KLK9: variants seen among roughly 807,000 people sequenced by gnomAD.
The protein encoded by KLK9 is kallikrein-9.
KLK9 carries 26 observed loss-of-function variants against 23.3 expected under a neutral mutation model. That is an observed-to-expected ratio of 1.12 (90% CI 0.82 to 1.55). KLK9 has a LOEUF of 1.55. Ranked by LOEUF, KLK9 falls within the 40% of genes most tolerant of loss-of-function variation. The probability of loss-of-function intolerance (pLI) is 0.00; values close to 1 mark genes in which losing one functional copy is unlikely to be tolerated. For missense variants in KLK9, 346 were observed against 333.7 expected (o/e 1.04, Z -0.29); for synonymous variants, 122 against 128.5 (o/e 0.95, Z 0.34).
Position 51,002,997 on chromosome 19 carries a change from G to T in KLK9, c.*114C>A. ...AGTCTTAGTGTCCAGAGGGGAGTCAGGGCAGCTGGAGGTCCAGGGCGGGAA... is the reference window on the plus strand; with the variant it reads ...AGTCTTAGTGTCCAGAGGGGAGTCATGGCAGCTGGAGGTCCAGGGCGGGAA... On this transcript the variant is annotated 3_prime_UTR_variant, in exon 5 of 5. Transcript: ENST00000594211. The T allele has an allele frequency of 3.8e-6, 5 of 1,300,662 alleles. No individual in the cohort carries two copies. The highest frequency in any genetic ancestry group is 4.8e-5 in the East Asian group (2 of 41,322). 80.6% of individuals were successfully genotyped at this position (1,300,662 alleles called of 1,614,324 possible).
chr19:51,008,516 G>A (rs919198480), intron 2 of KLK9, among the ~76,000 whole-genome samples: 1 of 152,064 alleles, frequency 6.6e-6, no homozygotes, highest in Non-Finnish European at 1.5e-5. Flanking sequence ...AATATTCAAT[G>A]AATCTAGAAA....
chr19:51,002,985 AGAGGG>A lies in KLK9; in HGVS notation c.*121_*125del. Reference sequence around the variant, plus strand: ...CCTCAGGGGCGGAGTCTTAGTGTCCAGAGGGGAGTCAGGGCAGCTGGAGGTCCAGG... The same window carrying A: ...CCTCAGGGGCGGAGTCTTAGTGTCCAGAGTCAGGGCAGCTGGAGGTCCAGG... On this transcript the variant is annotated 3_prime_UTR_variant, in exon 5 of 5. Coordinates refer to ENST00000594211, the MANE Select transcript of KLK9 (RefSeq NM_012315.2). 8.4e-7 allele frequency: 1 copy of A among 1,184,120 alleles called. No individual in the cohort carries two copies. The highest frequency in any genetic ancestry group is 1.2e-6 in the Non-Finnish European group (1 of 853,052). The allele number at this position is 1,184,120 out of a possible 1,614,324, so 73.4% of individuals were successfully genotyped here.
Position 51,006,566 on chromosome 19 carries a change from G to C in KLK9, c.358C>G (p.Gln120Glu). The C allele has an allele frequency of 1.9e-6, 3 of 1,613,356 alleles. No individual in the cohort carries two copies. The highest frequency in any genetic ancestry group is 4.5e-5 in the East Asian group (2 of 44,876). ...DDIMLIRLPRQARLSPAVQPL... is the reference protein window; with the variant it reads ...DDIMLIRLPREARLSPAVQPL... ...TGCACAGCAGGACTCAGACGTGCCT[G>C]CCTGGGCAGGCGGATCAGCATGATG... Residue 120 changes from glutamine to glutamate, a missense_variant, in exon 3 of 5, where the codon CAG (glutamine) becomes GAG (glutamate). Coordinates refer to ENST00000594211, the MANE Select transcript of KLK9 (RefSeq NM_012315.2). This position sits in a 1 kb window ranked among gnomAD's most constrained non-coding sequence, Gnocchi z 4.1.
rs372567256 is a variant in KLK9 at position 51,006,557 on chromosome 19, G to A, written c.367C>T (p.Leu123=). The A allele has an allele frequency of 6.2e-7, 1 of 1,613,318 alleles. No individual in the cohort carries two copies. Among genetic ancestry groups the A allele is most frequent in the East Asian group, 2.2e-5 (1 of 44,870 alleles). ...MLIRLPRQAR[L]SPAVQPLNLS... ...TTGAGGGGCTGCACAGCAGGACTCA[G>A]ACGTGCCTGCCTGGGCAGGCGGATC... is the stretch of plus-strand genomic sequence containing the variant. Residue 123 remains leucine (L), a synonymous_variant, in exon 3 of 5, where the codon CTG becomes TTG. Coordinates refer to ENST00000594211, the MANE Select transcript of KLK9 (RefSeq NM_012315.2). This position sits in a 1 kb window ranked among gnomAD's most constrained non-coding sequence, Gnocchi z 4.1.
In KLK9 at chr19:51,003,787, G is replaced by GT. The variant is rs748294003; in HGVS notation, c.519dup (p.Leu174ThrfsTer30). On this transcript the variant is annotated frameshift_variant, in exon 4 of 5. Coordinates refer to ENST00000594211, the MANE Select transcript of KLK9 (RefSeq NM_012315.2). LOFTEE classifies it high-confidence loss of function. Reference sequence around the variant, plus strand: ...TGTCCAGGGTATGCCCAGTGACAGAGTTTGTTCTCCAGGATGCTGATGTTG... The same window carrying GT: ...TGTCCAGGGTATGCCCAGTGACAGAGTTTTGTTCTCCAGGATGCTGATGTTG... 1 of 1,613,678 alleles carries GT rather than the reference G, an allele frequency of 6.2e-7. No homozygotes were observed. The highest frequency in any genetic ancestry group is 8.5e-7 in the Non-Finnish European group (1 of 1,179,562).
Position 51,006,973 on chromosome 19 carries a change from C to T in KLK9, c.201-250G>A, listed in dbSNP as rs556547682. Among the ~76,000 whole-genome samples, 5 of 151,984 alleles carry T rather than the reference C, an allele frequency of 3.3e-5. No individual in the cohort carries two copies. The highest frequency in any genetic ancestry group is 1.2e-4 in the African/African-American group (5 of 41,532). ...TTTGTAGCTCTCCCCACAAAGCCCC[C>T]GCTCCTAGTCCCAGGCTGAGTGAGC... is the stretch of plus-strand genomic sequence containing the variant. On this transcript the variant is annotated intron_variant, in intron 2 of 4. Transcript: ENST00000594211. This position sits in a 1 kb window ranked among gnomAD's most constrained non-coding sequence, Gnocchi z 4.1.
At position 51,003,017 on chromosome 19, in the gene KLK9, C is replaced by A. The variant is rs535064950; in HGVS notation, c.*94G>T. 31 of 1,432,042 alleles carry A rather than the reference C, an allele frequency of 2.2e-5. No homozygotes were observed. The South Asian group carries it at 4.1e-4, about 19-fold the overall frequency. The allele number at this position is 1,432,042 out of a possible 1,614,324, so 88.7% of individuals were successfully genotyped here. On this transcript the variant is annotated 3_prime_UTR_variant, in exon 5 of 5. Transcript: ENST00000594211. ...AGTCAGGGCAGCTGGAGGTCCAGGG[C>A]GGGAACCATTGAGGCTGGGACCCTA...
chr19:51,003,653 T>C (rs1458702918), intron 4 of KLK9, 51 bp downstream of exon 4: 1 of 1,549,550 alleles, frequency 6.5e-7, no homozygotes, highest in African/African-American at 1.4e-5. Context: ...CTCCCCTAAA[T>C]CCTAGAAAAC....
chr19:51,008,439 T>C (rs2091264522), intron 2 of KLK9, among the ~76,000 whole-genome samples: 1 of 151,412 alleles, frequency 6.6e-6, no homozygotes, highest in Admixed American at 6.6e-5. Flanking sequence ...AGTTTAAGAC[T>C]ACAGAATTAT....
intron 4 of KLK9, 106 bp downstream of exon 4, chr19:51,003,598 C>A: frequency 1.0e-6 from 1 of 986,952 alleles, no homozygotes; most frequent in Non-Finnish European, 1.5e-6. Flanking sequence ...GTATCCCAGT[C>A]TCCTTCTCAT....
chr19:51,004,806 G>A (rs2091249647), intron 3 of KLK9, among the ~76,000 whole-genome samples: 1 of 152,112 alleles, frequency 6.6e-6, no homozygotes, highest in South Asian at 2.1e-4. Flanking sequence ...GGTCACTGAT[G>A]GAGACAGAGA....
chr19:51,006,125 AAAACAAAC>A lies in KLK9; in HGVS notation c.466+325_466+332del, dbSNP rs60620559. Among the ~76,000 whole-genome samples, 35 of 150,390 alleles carry A rather than the reference AAAACAAAC, an allele frequency of 2.3e-4. No homozygotes were observed. The highest frequency in any genetic ancestry group is 1.0e-3 in the South Asian group (5 of 4,772). On this transcript the variant is annotated intron_variant, in intron 3 of 4. Coordinates refer to ENST00000594211, the MANE Select transcript of KLK9 (RefSeq NM_012315.2). This position sits in a 1 kb window ranked among gnomAD's most constrained non-coding sequence, Gnocchi z 4.1. ...AGCAACAAAGCGAGACCCTGTCTCA[AAAACAAAC>A]AAACAAACAAACAAACAAACACTCT...
rs1292085028 is a variant in KLK9 at position 51,009,364 on chromosome 19, G to T, written c.44-25C>A. On this transcript the variant is annotated intron_variant, in intron 1 of 4. Coordinates refer to ENST00000594211, the MANE Select transcript of KLK9 (RefSeq NM_012315.2). This position sits in a 1 kb window ranked among gnomAD's most constrained non-coding sequence, Gnocchi z 4.8. Reference sequence around the variant, plus strand: ...CCTGGGGTGGGGATGAGGGACAAAGGGGTCAGCGAAGAGCAGGCTGGGAGG... The same window carrying T: ...CCTGGGGTGGGGATGAGGGACAAAGTGGTCAGCGAAGAGCAGGCTGGGAGG... 2 of 1,559,500 alleles carry T rather than the reference G, an allele frequency of 1.3e-6. No homozygotes were observed. The highest frequency in any genetic ancestry group is 1.2e-5 in the South Asian group (1 of 81,660).
intron 3 of KLK9, among the ~76,000 whole-genome samples, 153 bp from the exon 4 acceptor site, chr19:51,003,993 C>G (rs2091245885): frequency 6.6e-6 from 1 of 152,124 alleles, no homozygotes; most frequent in Non-Finnish European, 1.5e-5. Context: ...GACAGACAGA[C>G]AGTCATAGCA....
At position 51,006,603 on chromosome 19, in the gene KLK9, G is replaced by A; in HGVS notation, c.321C>T (p.Asp107=). ...GGATCAGCATGATGTCATCATTGTG[G>A]TCATTGGCGCTGAGGTCCTTGTTGA... The part of the protein sequence containing the change: ...PGFNKDLSAN[D]HNDDIMLIRL... The change falls in exon 3 of 5, where the codon GAC becomes GAT. Residue 107 remains aspartate, a synonymous_variant. Transcript: ENST00000594211. The surrounding 1 kb of genome is among the most constrained non-coding windows in gnomAD (Gnocchi z 4.1). 2 of 1,613,318 alleles carry A rather than the reference G, an allele frequency of 1.2e-6. No homozygotes were observed. Among genetic ancestry groups the A allele is most frequent in the East Asian group, 2.2e-5 (1 of 44,874 alleles).
At position 51,006,378 on chromosome 19, in the gene KLK9, AAGG is replaced by A. The variant is rs2091255502; in HGVS notation, c.466+77_466+79del. 4 of 1,318,726 alleles carry A rather than the reference AAGG, an allele frequency of 3.0e-6. No individual in the cohort carries two copies. Among genetic ancestry groups the A allele is most frequent in the Non-Finnish European group, 4.1e-6 (4 of 977,080 alleles). The allele number at this position is 1,318,726 out of a possible 1,614,324, so 81.7% of individuals were successfully genotyped here. A position where few individuals can be genotyped will look rare whatever the true frequency, so the allele number is the denominator to read the frequency against. On this transcript the variant is annotated intron_variant, in intron 3 of 4. Transcript: ENST00000594211. The surrounding 1 kb of genome is among the most constrained non-coding windows in gnomAD (Gnocchi z 4.1). ...TGACAGAGAGAGAGAGGAGAGAGAA[AAGG>A]AGAAGACAGAGATGAAAAGGCAGAG... is the stretch of plus-strand genomic sequence containing the variant.
rs561180999 is a variant in KLK9, at chr19:51,006,034, G to A, written c.466+424C>T. ...AGCTACTTGGGAGGTTGAGGCGAGAGGATCACTTGAGCCCAGGAGTTCAAA... is the reference window on the plus strand; with the variant it reads ...AGCTACTTGGGAGGTTGAGGCGAGAAGATCACTTGAGCCCAGGAGTTCAAA... On this transcript the variant is annotated intron_variant, in intron 3 of 4. Coordinates refer to ENST00000594211, the MANE Select transcript of KLK9 (RefSeq NM_012315.2). The surrounding 1 kb of genome is among the most constrained non-coding windows in gnomAD (Gnocchi z 4.1). 6.6e-6 allele frequency among the ~76,000 whole-genome samples: 1 copy of A among 151,672 alleles called. No individual in the cohort carries two copies. Among genetic ancestry groups the A allele is most frequent in the East Asian group, 1.9e-4 (1 of 5,188 alleles).
In KLK9 at chr19:51,006,341, A is replaced by G. The variant is rs1466476278; in HGVS notation, c.466+117T>C. 3 of 1,007,446 alleles carry G rather than the reference A, an allele frequency of 3.0e-6. No homozygotes were observed. The highest frequency in any genetic ancestry group is 4.2e-6 in the Non-Finnish European group (3 of 706,482). The allele number at this position is 1,007,446 out of a possible 1,614,324, so 62.4% of individuals were successfully genotyped here. A position where few individuals can be genotyped will look rare whatever the true frequency, so the allele number is the denominator to read the frequency against. On this transcript the variant is annotated intron_variant, in intron 3 of 4. Coordinates refer to ENST00000594211, the MANE Select transcript of KLK9 (RefSeq NM_012315.2). The surrounding 1 kb of genome is among the most constrained non-coding windows in gnomAD (Gnocchi z 4.1). Reference sequence around the variant, plus strand: ...TATTTGGTTAAATATATCGATTGGCAGATAGATAGACTGACAGAGAGAGAG... The same window carrying G: ...TATTTGGTTAAATATATCGATTGGCGGATAGATAGACTGACAGAGAGAGAG...
chr19:51,004,326 A>T (rs1263404761), intron 3 of KLK9, among the ~76,000 whole-genome samples: 1 of 119,764 alleles, frequency 8.3e-6, no homozygotes, highest in African/African-American at 3.3e-5. Context: ...GAGACAGAGC[A>T]AGACTCCGTC....
Sources: allele counts gnomAD v4.1 joint callset (sites outside exome capture counted in the v4.1 genomes callset), GRCh38; gene constraint gnomAD v4.1.1; non-coding constraint Gnocchi (gnomAD v3.1); transcripts MANE v1.5; gene names NCBI Gene and HGNC (gene_info 2026-07-23, HGNC 2026-07-21).